Variants in LUZP2 observed in about 807,000 individuals in gnomAD.
LUZP2 encodes leucine zipper protein 2.
Under a neutral mutation model 51.6 loss-of-function variants are expected in LUZP2, and 52 were observed. The observed-to-expected ratio is 1.01, with a 90% CI of 0.81 to 1.27. The LOEUF is 1.27. Ranked by LOEUF, LUZP2 falls within the 50% of genes most tolerant of loss-of-function variation. LUZP2 has a pLI of 0.00. For missense variants in LUZP2, 436 were observed against 395.4 expected, an observed-to-expected ratio of 1.10 and a Z score of -0.87; for synonymous variants, 154 against 137.3, an observed-to-expected ratio of 1.12 and a Z score of -0.85.
chr11:24,621,945 T>A (rs895776836), intron 1 of LUZP2, among the ~76,000 whole-genome samples: 1 of 148,620 alleles, frequency 6.7e-6, no homozygotes, highest in Admixed American at 6.7e-5. Context: ...AAAACACTCC[T>A]TTCCACATAC....
chr11:24,885,707 G>A (rs1016152265), intron 5 of LUZP2, among the ~76,000 whole-genome samples: 5 of 152,162 alleles, frequency 3.3e-5, no homozygotes, highest in African/African-American at 9.6e-5. Flanking sequence ...TGCAATAGTC[G>A]TGAAGCTGCA....
At chr11:24,539,441 A>G (rs978386357) in intron 1 of LUZP2, among the ~76,000 whole-genome samples, 2 of 151,964 alleles carry the variant, frequency 1.3e-5, no homozygotes, top group African/African-American at 4.8e-5. Context: ...ACTAAAATCC[A>G]CATCCTATCT....
At chr11:24,868,039 C>T (rs1851948842) in intron 5 of LUZP2, among the ~76,000 whole-genome samples, 1 of 152,064 alleles carries the variant, frequency 6.6e-6, no homozygotes, top group Non-Finnish European at 1.5e-5. Flanking sequence ...CTCATTAGAC[C>T]TTGTTCAGCC....
At chr11:24,877,169 G>A (rs1051346809) in intron 5 of LUZP2, among the ~76,000 whole-genome samples, 15 of 152,108 alleles carry the variant, frequency 9.9e-5, no homozygotes, top group African/African-American at 3.6e-4. Context: ...TGATCATTGT[G>A]TTATCTCTTT....
intron 1 of LUZP2, among the ~76,000 whole-genome samples, chr11:24,581,810 T>G (rs997624259): frequency 2.0e-5 from 3 of 152,106 alleles, no homozygotes; most frequent in African/African-American, 7.2e-5. Flanking sequence ...TATTTAACTC[T>G]CACAACAAAG....
At chr11:24,850,078 G>T (rs1015510034) in intron 5 of LUZP2, among the ~76,000 whole-genome samples, 3 of 152,174 alleles carry the variant, frequency 2.0e-5, no homozygotes, top group Non-Finnish European at 2.9e-5. Flanking sequence ...TAGGTTGCCT[G>T]TTCACTTCGA....
At chr11:24,815,283 A>G (rs555143164) in intron 5 of LUZP2, among the ~76,000 whole-genome samples, 32 of 152,326 alleles carry the variant, frequency 2.1e-4, no homozygotes, top group African/African-American at 6.5e-4. Flanking sequence ...TGAATCATCT[A>G]TGTTAATTCT....
chr11:24,996,241 G>C (rs139426943), intron 9 of LUZP2, among the ~76,000 whole-genome samples: 239 of 150,358 alleles, frequency 1.6e-3, no homozygotes, highest in African/African-American at 5.6e-3. Context: ...TTTAAACTTG[G>C]ATTTCATTGT....
intron 5 of LUZP2, among the ~76,000 whole-genome samples, chr11:24,872,171 CTTATA>C (rs771685501): frequency 6.6e-6 from 1 of 152,068 alleles, no homozygotes; most frequent in Non-Finnish European, 1.5e-5. Flanking sequence ...CTATCAATTT[CTTATA>C]TTAGAGTAGT....
At chr11:24,771,280 G>A (rs1014279693) in intron 5 of LUZP2, among the ~76,000 whole-genome samples, 11 of 150,950 alleles carry the variant, frequency 7.3e-5, no homozygotes, top group African/African-American at 2.4e-4. Context: ...GTAGACAGTA[G>A]GTCATCATTG....
At chr11:24,544,643 A>C (rs973750589) in intron 1 of LUZP2, among the ~76,000 whole-genome samples, 2 of 152,118 alleles carry the variant, frequency 1.3e-5, no homozygotes, top group Non-Finnish European at 2.9e-5. Flanking sequence ...GTAGTATTCA[A>C]TGGTGTATAC....
intron 9 of LUZP2, among the ~76,000 whole-genome samples, chr11:25,026,844 T>C (rs1447793545): frequency 6.7e-6 from 1 of 149,038 alleles, no homozygotes; most frequent in Non-Finnish European, 1.5e-5. Flanking sequence ...CTATTTCACC[T>C]TTTTATTTTT....
chr11:24,796,478 T>C (rs1023951169), intron 5 of LUZP2, among the ~76,000 whole-genome samples: 1 of 144,068 alleles, frequency 6.9e-6, no homozygotes, highest in Non-Finnish European at 1.5e-5. Context: ...TAATTTTGTA[T>C]GGTAATAATA....
At chr11:24,770,905 A>G (rs1289732627) in intron 5 of LUZP2, among the ~76,000 whole-genome samples, 1 of 152,134 alleles carries the variant, frequency 6.6e-6, no homozygotes, top group Non-Finnish European at 1.5e-5. Flanking sequence ...CTCCGCCTGA[A>G]TCAGGAAGTT....
At chr11:24,507,286 T>C (rs576514335) in intron 1 of LUZP2, among the ~76,000 whole-genome samples, 2 of 152,214 alleles carry the variant, frequency 1.3e-5, no homozygotes, top group African/African-American at 2.4e-5. Flanking sequence ...CTATAAACTC[T>C]AGTATACTTT....
intron 5 of LUZP2, among the ~76,000 whole-genome samples, chr11:24,820,375 A>G (rs1304937075): frequency 6.6e-6 from 1 of 152,144 alleles, no homozygotes; most frequent in African/African-American, 2.4e-5. Context: ...GTGGATGTGT[A>G]TGGTGGGGAA....
intron 1 of LUZP2, among the ~76,000 whole-genome samples, chr11:24,722,406 AAG>A (rs1422333487): frequency 6.6e-6 from 1 of 152,164 alleles, no homozygotes; most frequent in Admixed American, 6.5e-5. Flanking sequence ...CAGGCAAAGA[AAG>A]AGATCCATCA....
chr11:24,503,860 T>G (rs1011798792), intron 1 of LUZP2, among the ~76,000 whole-genome samples: 1 of 152,190 alleles, frequency 6.6e-6, no homozygotes, highest in Non-Finnish European at 1.5e-5. Flanking sequence ...CTAGTTATTA[T>G]GGAGTATAAA....
intron 4 of LUZP2, among the ~76,000 whole-genome samples, chr11:24,739,653 G>A (rs1859063625): frequency 6.6e-6 from 1 of 152,102 alleles, no homozygotes; most frequent in South Asian, 2.1e-4. Context: ...TCTAAACACA[G>A]TCAGCCTGCC....
Sources: allele counts gnomAD v4.1 joint callset (sites outside exome capture counted in the v4.1 genomes callset), GRCh38; gene constraint gnomAD v4.1.1; transcripts MANE v1.5; gene names NCBI Gene and HGNC (gene_info 2026-07-23, HGNC 2026-07-21).